Variants in LAMA2 observed in about 807,000 individuals in gnomAD.
LAMA2 encodes laminin subunit alpha-2.
LAMA2 carries 269 observed loss-of-function variants against 364.8 expected under a neutral mutation model. That is an observed-to-expected ratio of 0.74 (90% CI 0.67 to 0.82). LAMA2 has a LOEUF of 0.82. LAMA2 is among the 40% of genes least tolerant of loss of function. LAMA2 has a pLI of 0.00. For synonymous variants in LAMA2, 1,379 were observed against 1,370.6 expected (o/e 1.01, Z -0.14); for missense variants, 3,807 against 3,873.2 (o/e 0.98, Z 0.45).
At chr6:129,349,226 C>A (rs2114584334) in intron 30 of LAMA2, 72 bp from the exon 31 acceptor site, 1 of 1,181,638 alleles carries the variant, frequency 8.5e-7, no homozygotes, top group Non-Finnish European at 1.3e-6. Context: ...TAACCTTGAT[C>A]ATGGATAGGA....
intron 34 of LAMA2, among the ~76,000 whole-genome samples, chr6:129,381,930 C>G (rs535073688): frequency 7.1e-4 from 108 of 152,268 alleles, no homozygotes; most frequent in Middle Eastern, 3.4e-3. Context: ...ACCTTGAAAA[C>G]TTTCATAAAT....
intron 22 of LAMA2, 139 bp downstream of exon 22, chr6:129,301,011 T>G: frequency 1.3e-6 from 1 of 764,444 alleles, no homozygotes; most frequent in Non-Finnish European, 2.3e-6. Flanking sequence ...TTACAGATAT[T>G]AATCAATATC....
chr6:128,905,040 T>C (rs1172217182), intron 1 of LAMA2, among the ~76,000 whole-genome samples: 1 of 152,212 alleles, frequency 6.6e-6, no homozygotes, highest in South Asian at 2.1e-4. Context: ...TTTAGTCGGA[T>C]ATTGGTTGAC....
intron 56 of LAMA2, among the ~76,000 whole-genome samples, chr6:129,487,037 T>G (rs1215328599): frequency 1.3e-5 from 2 of 152,220 alleles, no homozygotes; most frequent in Non-Finnish European, 1.5e-5. Flanking sequence ...TTATGGCAGC[T>G]GCTTAGCTGT....
intron 9 of LAMA2, among the ~76,000 whole-genome samples, chr6:129,170,022 T>C (rs1301614375): frequency 4.6e-5 from 7 of 151,710 alleles, no homozygotes; most frequent in Admixed American, 4.6e-4. Context: ...CCTTTATCAT[T>C]TTTTATTGCA....
intron 1 of LAMA2, among the ~76,000 whole-genome samples, chr6:128,931,859 C>T (rs563570222): frequency 2.7e-4 from 41 of 152,256 alleles, no homozygotes; most frequent in African/African-American, 9.4e-4. Flanking sequence ...TTACTTTCCA[C>T]GGGGACTGTT....
At chr6:129,246,642 T>C (rs1785771949) in intron 12 of LAMA2, among the ~76,000 whole-genome samples, 1 of 152,106 alleles carries the variant, frequency 6.6e-6, no homozygotes. Flanking sequence ...CATTAAACTT[T>C]CCCTATCAAA....
At chr6:129,052,305 C>CTTTTTTTTTTTTT (rs71272306) in intron 2 of LAMA2, among the ~76,000 whole-genome samples, 17 of 131,254 alleles carry the variant, frequency 1.3e-4, no homozygotes, top group Non-Finnish European at 2.4e-4. Flanking sequence ...CCGGCTAATT[C>CTTTTTTTTTTTTT]TTTTTTTTTT....
In LAMA2 at chr6:129,319,611, A is replaced by C. The variant is rs114492855; in HGVS notation, c.4059-927A>C. On this transcript the variant is annotated intron_variant, in intron 27 of 64. Coordinates refer to ENST00000421865, the MANE Select transcript of LAMA2 (RefSeq NM_000426.4). ...ATGTATCAAAATATCACATTGTTTA[A>C]ATAAATATAGTTGACCCTTGAACAA... Among the ~76,000 whole-genome samples the C allele has an allele frequency of 6.8e-3, 1,041 of 152,258 alleles. 10 individuals carry two copies. The highest frequency in any genetic ancestry group is 0.024 in the African/African-American group (988 of 41,552).
chr6:129,315,711 A>C lies in LAMA2; in HGVS notation c.3736-51A>C, dbSNP rs775487956. ...AACAAGATAAAATCTTTTTAGAATC[A>C]CACCATTTGGAGATTTATCCAATTC... On this transcript the variant is annotated intron_variant, in intron 25 of 64. Transcript: ENST00000421865. 8 of 1,611,340 alleles carry C rather than the reference A, an allele frequency of 5.0e-6. No individual in the cohort carries two copies. The Admixed American group carries it at 8.3e-5, about 17-fold the overall frequency.
chr6:129,392,956 G>A (rs1435060952), intron 36 of LAMA2, 89 bp from the exon 37 acceptor site: 27 of 983,856 alleles, frequency 2.7e-5, no homozygotes, highest in South Asian at 8.5e-5. Context: ...TTTCATGTTA[G>A]CATCTCTTTG....
rs144606143 is a variant in LAMA2 at position 129,258,662 on chromosome 6, G to T, written c.2097-2049G>T. Reference sequence around the variant, plus strand: ...AATTTATTTTTTAAATTTTAAATAGGTTTGAAAATTTTCATCCTACCCCAA... The same window carrying T: ...AATTTATTTTTTAAATTTTAAATAGTTTTGAAAATTTTCATCCTACCCCAA... On this transcript the variant is annotated intron_variant, in intron 14 of 64. Coordinates refer to ENST00000421865, the MANE Select transcript of LAMA2 (RefSeq NM_000426.4). Among the ~76,000 whole-genome samples the T allele has an allele frequency of 2.8e-3, 433 of 151,964 alleles. 3 individuals are homozygous for T. Among genetic ancestry groups the T allele is most frequent in the African/African-American group, 0.01 (418 of 41,484 alleles).
In LAMA2 at chr6:129,047,295, T is replaced by C. The variant is rs148155534; in HGVS notation, c.113-2623T>C. On this transcript the variant is annotated intron_variant, in intron 1 of 64. Transcript: ENST00000421865. ...ACTTTATGAATGTTTAATATTTCTC[T>C]AACCAACAATTACATTAGCTTTCCT... Among the ~76,000 whole-genome samples, 178 of 152,366 alleles carry C rather than the reference T, an allele frequency of 1.2e-3. 1 individual carries two copies. The East Asian group carries it at 0.02, about 17-fold the overall frequency.
intron 1 of LAMA2, among the ~76,000 whole-genome samples, chr6:128,957,658 C>T (rs1195450539): frequency 7.2e-6 from 1 of 139,644 alleles, no homozygotes; most frequent in Non-Finnish European, 1.5e-5. Flanking sequence ...TTGTTTTTAA[C>T]ACCCTTTTCT....
At chr6:129,448,710 A>G (rs1232215214) in intron 45 of LAMA2, among the ~76,000 whole-genome samples, 4 of 152,360 alleles carry the variant, frequency 2.6e-5, no homozygotes, top group East Asian at 1.9e-4. Flanking sequence ...TGAGTTCATC[A>G]TGATTAACTG....
intron 23 of LAMA2, 52 bp downstream of exon 23, chr6:129,313,149 A>C (rs756499001): frequency 1.7e-6 from 2 of 1,144,412 alleles, no homozygotes; most frequent in Admixed American, 2.0e-5. Flanking sequence ...TTCTGTTTCC[A>C]TTGCTCAGTT....
chr6:129,030,825 C>T (rs1043728382), intron 1 of LAMA2, among the ~76,000 whole-genome samples: 19 of 151,940 alleles, frequency 1.3e-4, no homozygotes, highest in African/African-American at 4.1e-4. Context: ...GAATATTTTA[C>T]TGAGCACCTA....
chr6:129,037,827 A>T (rs571313556), intron 1 of LAMA2, among the ~76,000 whole-genome samples: 1 of 151,962 alleles, frequency 6.6e-6, no homozygotes, highest in Admixed American at 6.6e-5. Context: ...TTGCCACCAC[A>T]CCTGGCTAAT....
intron 4 of LAMA2, among the ~76,000 whole-genome samples, chr6:129,127,287 C>G (rs1331671777): frequency 6.6e-6 from 1 of 152,168 alleles, no homozygotes; most frequent in East Asian, 1.9e-4. Context: ...TTCACTCACT[C>G]CTTCTAAGAA....
Sources: gnomAD v4.1 joint callset for allele counts (sites outside exome capture counted in the v4.1 genomes callset) on GRCh38, gnomAD v4.1.1 for gene constraint, MANE v1.5 for transcripts, NCBI Gene and HGNC (gene_info 2026-07-23, HGNC 2026-07-21) for gene names.